EDA: variants seen among roughly 807,000 people sequenced by gnomAD.
EDA encodes ectodysplasin A, also known as ectodysplasin-A.
EDA carries 2 observed loss-of-function variants against 23.6 expected under a neutral mutation model. The observed-to-expected ratio is 0.08, with a 90% CI of 0.03 to 0.27. The LOEUF (loss-of-function observed/expected upper bound fraction) is 0.27. Ranked by LOEUF, EDA falls within the 10% of genes least tolerant of loss-of-function variation. The probability of loss-of-function intolerance (pLI) is 1.00; values close to 1 mark genes in which losing one functional copy is unlikely to be tolerated. For missense variants in EDA, 229 were observed against 324.2 expected, an observed-to-expected ratio of 0.71 and a Z score of 2.26; for synonymous variants, 131 against 132.0, an observed-to-expected ratio of 0.99 and a Z score of 0.05.
chrX:69,735,467 G>T (rs1341704285), intron 1 of EDA, among the ~76,000 whole-genome samples: 2 of 111,823 alleles, frequency 1.8e-5, no homozygotes, highest in Non-Finnish European at 3.8e-5. Context: ...TTTGTTTTCT[G>T]ATTGTCCCCT....
At chrX:69,753,126 ATG>A (rs1431704511) in intron 1 of EDA, among the ~76,000 whole-genome samples, 1 of 111,009 alleles carries the variant, frequency 9.0e-6, no homozygotes, top group African/African-American at 3.3e-5. Context: ...TAGCTTTTGA[ATG>A]TGTTTGCTCT....
intron 1 of EDA, among the ~76,000 whole-genome samples, chrX:69,920,690 GA>G (rs199572423): frequency 0.058 from 6,333 of 108,920 alleles, 187 homozygotes; most frequent in Non-Finnish European, 0.085. Flanking sequence ...GAAGCTGATT[GA>G]AAAAAAAAAT....
intron 2 of EDA, among the ~76,000 whole-genome samples, chrX:70,014,890 C>T (rs1033912379): frequency 8.9e-6 from 1 of 112,135 alleles, no homozygotes; most frequent in African/African-American, 3.2e-5. Flanking sequence ...AAAGAACGAG[C>T]AAAACCTCTG....
At chrX:69,910,197 G>A (rs1478580900) in intron 1 of EDA, among the ~76,000 whole-genome samples, 1 of 108,777 alleles carries the variant, frequency 9.2e-6, no homozygotes, top group Non-Finnish European at 1.9e-5. Flanking sequence ...GTCTTGCTAC[G>A]TTGCCCAGGC....
chrX:69,662,306 GA>G (rs1189231485), intron 1 of EDA, among the ~76,000 whole-genome samples: 2 of 109,679 alleles, frequency 1.8e-5, no homozygotes, highest in Admixed American at 2.0e-4. Flanking sequence ...GAACCTGGTG[GA>G]AGGCAATTGA....
chrX:69,693,426 T>C (rs1431847430), intron 1 of EDA, among the ~76,000 whole-genome samples: 6 of 111,736 alleles, frequency 5.4e-5, no homozygotes, highest in Admixed American at 1.9e-4. Context: ...AATTAAGTGC[T>C]ATATATATAC....
At chrX:69,765,408 A>G (rs760443598) in intron 1 of EDA, among the ~76,000 whole-genome samples, 9 of 111,702 alleles carry the variant, frequency 8.1e-5, no homozygotes, top group African/African-American at 2.9e-4. Flanking sequence ...TTGGTAACCA[A>G]TGATTCAGTA....
At chrX:69,844,021 CAAA>C (rs752030655) in intron 1 of EDA, among the ~76,000 whole-genome samples, 1 of 61,880 alleles carries the variant, frequency 1.6e-5, no homozygotes. Flanking sequence ...GACTCTGTCT[CAAA>C]AAAAAAAAAA....
chrX:69,913,592 A>G (rs1432381985), intron 1 of EDA, among the ~76,000 whole-genome samples: 1 of 112,342 alleles, frequency 8.9e-6, no homozygotes, highest in Admixed American at 9.4e-5. Flanking sequence ...CATATCGGCA[A>G]TAAGGCTGTT....
At chrX:69,621,341 A>G (rs1276834035) in intron 1 of EDA, among the ~76,000 whole-genome samples, 1 of 112,067 alleles carries the variant, frequency 8.9e-6, no homozygotes, top group Non-Finnish European at 1.9e-5. Flanking sequence ...TCTTTCTTTT[A>G]TTAAAAATCT....
Position 70,029,555 on chromosome X carries a change from T to G in EDA, c.741+17T>G. On this transcript the variant is annotated intron_variant, in intron 5 of 7. Transcript: ENST00000374552. The stretch of plus-strand genomic sequence containing the variant: ...GAAAACCAGGTTGGCTGGGGATTGC[T>G]CTCTTCCTGGGTAGGAGGGAAAGCC... 3.3e-6 allele frequency: 4 copies of G among 1,210,122 alleles called. No homozygotes were observed. The highest frequency in any genetic ancestry group is 4.5e-6 in the Non-Finnish European group (4 of 893,672).
intron 1 of EDA, among the ~76,000 whole-genome samples, chrX:69,822,429 G>A (rs1228947098): frequency 1.8e-5 from 2 of 111,441 alleles, no homozygotes; most frequent in African/African-American, 6.5e-5. Context: ...TAGATGAACT[G>A]GAAGCCCCAA....
At chrX:69,753,007 T>C (rs1336787317) in intron 1 of EDA, among the ~76,000 whole-genome samples, 2 of 111,889 alleles carry the variant, frequency 1.8e-5, no homozygotes, top group Admixed American at 9.4e-5. Flanking sequence ...ATCAATTTTG[T>C]TGATCTTTTC....
At chrX:70,001,682 A>G (rs1483583545) in intron 2 of EDA, among the ~76,000 whole-genome samples, 1 of 112,784 alleles carries the variant, frequency 8.9e-6, no homozygotes, top group Non-Finnish European at 1.9e-5. Flanking sequence ...ACACATCTCA[A>G]CTACTGAAGC....
At chrX:70,029,386 A>G in intron 4 of EDA, 118 bp from the exon 5 acceptor site, 1 of 859,912 alleles carries the variant, frequency 1.2e-6, no homozygotes, top group Non-Finnish European at 1.7e-6. Flanking sequence ...AGCCCTGGAG[A>G]ATAAAGCTCA....
At chrX:69,988,938 G>T (rs887738216) in intron 2 of EDA, among the ~76,000 whole-genome samples, 1 of 111,416 alleles carries the variant, frequency 9.0e-6, no homozygotes, top group African/African-American at 3.3e-5. Flanking sequence ...TGGTGCTAGG[G>T]AGGCCCGGTG....
chrX:69,729,963 A>T (rs1216952911), intron 1 of EDA, among the ~76,000 whole-genome samples: 1 of 110,911 alleles, frequency 9.0e-6, no homozygotes, highest in Non-Finnish European at 1.9e-5. Context: ...ATGCTGCTTT[A>T]TTTTTCTTTA....
intron 1 of EDA, chrX:69,729,059 CTG>C (rs1234060345): frequency 9.0e-6 from 1 of 111,631 alleles, no homozygotes; most frequent in African/African-American, 3.3e-5. Flanking sequence ...AAGTGAGTAA[CTG>C]TATCTGAGTG....
At chrX:69,912,567 C>T (rs1284715566) in intron 1 of EDA, among the ~76,000 whole-genome samples, 5 of 111,264 alleles carry the variant, frequency 4.5e-5, no homozygotes, top group African/African-American at 1.6e-4. Context: ...ACATCTCCAT[C>T]AGAGCTCTTG....
Sources: gnomAD v4.1 joint callset for allele counts (sites outside exome capture counted in the v4.1 genomes callset) on GRCh38, gnomAD v4.1.1 for gene constraint, MANE v1.5 for transcripts, NCBI Gene and HGNC (gene_info 2026-07-23, HGNC 2026-07-21) for gene names.